The following PAOX variants were observed in gnomAD, a reference collection of about 807,000 sequenced individuals.
PAOX encodes peroxisomal N(1)-acetyl-spermine/spermidine oxidase.
In PAOX, 38 loss-of-function variants were observed where a neutral mutation model predicts 39.0. The observed-to-expected ratio is 0.97, with a 90% confidence interval of 0.75 to 1.28. The LOEUF (loss-of-function observed/expected upper bound fraction) is 1.28, where lower values mean the gene tolerates loss of function less well. PAOX is among the 50% of genes most tolerant of loss of function. The pLI is 0.00. For synonymous variants in PAOX, 311 were observed against 314.4 expected, an observed-to-expected ratio of 0.99 and a Z score of 0.11; for missense variants, 667 against 685.7, an observed-to-expected ratio of 0.97 and a Z score of 0.30.
chr10:133,381,892 G>T (rs1339585539), intron 3 of PAOX, among the ~76,000 whole-genome samples: 1 of 152,178 alleles, frequency 6.6e-6, no homozygotes, highest in Admixed American at 6.5e-5. Flanking sequence ...CTGCTCGCTT[G>T]GAGGTAACCG....
chr10:133,380,189 C>A lies in PAOX; in HGVS notation c.372C>A (p.Leu124=), dbSNP rs755870498. The A allele has an allele frequency of 1.9e-6, 3 of 1,612,508 alleles. No homozygotes were observed. Among genetic ancestry groups the A allele is most frequent in the Non-Finnish European group, 2.5e-6 (3 of 1,179,702 alleles). ...SYASSGASVS[L]QLVAEMATLF... ...CCAGCTCCGGGGCCAGCGTGAGCCT[C>A]CAGCTGGTGGCGGAGATGGCGACTC... Residue 124 remains leucine (L), a synonymous_variant, in exon 2 of 7, where the codon CTC becomes CTA. Coordinates refer to ENST00000278060, the MANE Select transcript of PAOX (RefSeq NM_152911.4).
intron 3 of PAOX, 128 bp downstream of exon 3, chr10:133,381,787 T>G (rs1849391393): frequency 1.2e-6 from 1 of 869,316 alleles, no homozygotes; most frequent in Admixed American, 2.6e-5. Flanking sequence ...AAGTTCCAGA[T>G]AGGTGGAAGG....
chr10:133,382,269 A>G (rs1308118262), intron 3 of PAOX, among the ~76,000 whole-genome samples: 2 of 152,140 alleles, frequency 1.3e-5, no homozygotes, highest in South Asian at 2.1e-4. Flanking sequence ...CATCTAGGCA[A>G]GTAGAGAGAA....
At chr10:133,385,595 TG>T (rs1849508099) in intron 4 of PAOX, among the ~76,000 whole-genome samples, 1 of 152,200 alleles carries the variant, frequency 6.6e-6, no homozygotes, top group Non-Finnish European at 1.5e-5. Flanking sequence ...AATATTTTTT[TG>T]TTTTTGAGAT....
rs377453084 is a variant in PAOX at position 133,380,510 on chromosome 10, C to T, written c.668+25C>T. On this transcript the variant is annotated intron_variant, in intron 2 of 6. Coordinates refer to ENST00000278060, the MANE Select transcript of PAOX (RefSeq NM_152911.4). ...AGTGCGTGCCTGAGCCCCTGCCCCG[C>T]CAGTCCTCCCACCAGGCTCCCCAGG... 34 of 1,569,160 alleles carry T rather than the reference C, an allele frequency of 2.2e-5. No individual in the cohort carries two copies. In the African/African-American group the frequency reaches 4.4e-4, roughly 21 times the overall value.
chr10:133,387,106 C>A (rs1849549860), intron 4 of PAOX, among the ~76,000 whole-genome samples: 1 of 151,844 alleles, frequency 6.6e-6, no homozygotes, highest in African/African-American at 2.4e-5. Flanking sequence ...TAGCAAGACC[C>A]AGTCTCTACC....
intron 5 of PAOX, 136 bp from the exon 6 acceptor site, chr10:133,389,454 G>A (rs1308511650): frequency 1.8e-5 from 24 of 1,312,400 alleles, no homozygotes; most frequent in Non-Finnish European, 2.4e-5. Flanking sequence ...AGCCTCTCCT[G>A]ACACACTCTG....
Position 133,381,447 on chromosome 10 carries a change from TC to T in PAOX, c.669-11del, listed in dbSNP as rs747343347. The T allele has an allele frequency of 4.3e-6, 7 of 1,613,342 alleles. No homozygotes were observed. The highest frequency in any genetic ancestry group is 1.3e-5 in the African/African-American group (1 of 75,030). ...ACTGGGCCTCTACGAAACCAGCACT[TC>T]CGTCTTTCTAGGGGCTATCAAGGAC... is the stretch of plus-strand genomic sequence containing the variant. On this transcript the variant is annotated splice_polypyrimidine_tract_variant and intron_variant, in intron 2 of 6. Coordinates refer to ENST00000278060, the MANE Select transcript of PAOX (RefSeq NM_152911.4).
chr10:133,383,160 G>A (rs1434812795), intron 3 of PAOX, among the ~76,000 whole-genome samples: 2 of 152,106 alleles, frequency 1.3e-5, no homozygotes, highest in African/African-American at 4.8e-5. Context: ...ACTCCAGCCT[G>A]GGAGACCAGA....
intron 2 of PAOX, among the ~76,000 whole-genome samples, 186 bp from the exon 3 acceptor site, chr10:133,381,274 G>A (rs1055355178): frequency 1.1e-4 from 17 of 152,258 alleles, no homozygotes; most frequent in African/African-American, 4.1e-4. Flanking sequence ...ACAGCCTGGA[G>A]GGCAGGTATG....
Position 133,384,303 on chromosome 10 carries a change from G to A in PAOX, c.1121+91G>A. On this transcript the variant is annotated intron_variant, in intron 4 of 6. Transcript: ENST00000278060. The surrounding 1 kb of genome is among the most constrained non-coding windows in gnomAD (Gnocchi z 4.3). ...CAGCAGTGTGTCTGTTCACTGCAGG[G>A]TATTTCTAGGGGGTTTAATGGGTAG... The A allele has an allele frequency of 6.5e-7, 1 of 1,534,132 alleles. No individual in the cohort carries two copies.
At chr10:133,386,544 G>A (rs549008920) in intron 4 of PAOX, among the ~76,000 whole-genome samples, 41 of 150,688 alleles carry the variant, frequency 2.7e-4, no homozygotes, top group African/African-American at 6.8e-4. Context: ...GCTCGATCTC[G>A]GTTCACTGCA....
At chr10:133,380,608 C>A (rs1393525224) in intron 2 of PAOX, 123 bp downstream of exon 2, 3 of 1,305,828 alleles carry the variant, frequency 2.3e-6, no homozygotes, top group Non-Finnish European at 3.1e-6. Context: ...CTCCCCATTC[C>A]GACAGACTGG....
rs372063211 is a variant in PAOX at position 133,380,214 on chromosome 10, C to T, written c.397C>T (p.Leu133=). The change falls in exon 2 of 7, where the codon CTG becomes TTG. Residue 133 remains leucine (L), a synonymous_variant. Transcript: ENST00000278060. ...CCAGCTGGTGGCGGAGATGGCGACT[C>T]TGTTCTACGGCCTGATAGACCAGAC... The part of the protein sequence containing the change: ...SLQLVAEMAT[L]FYGLIDQTRE... 6.2e-7 allele frequency: 1 copy of T among 1,612,768 alleles called. No individual in the cohort carries two copies. The highest frequency in any genetic ancestry group is 1.3e-5 in the African/African-American group (1 of 74,950).
intron 6 of PAOX, among the ~76,000 whole-genome samples, chr10:133,390,454 A>G (rs1849646752): frequency 6.6e-6 from 1 of 151,624 alleles, no homozygotes; most frequent in Non-Finnish European, 1.5e-5. Context: ...ACAAGTAGCC[A>G]GGCATGGTAG....
Position 133,391,628 on chromosome 10 carries a change from G to A in PAOX, c.*173G>A. 2 of 1,054,932 alleles carry A rather than the reference G, an allele frequency of 1.9e-6. No homozygotes were observed. The highest frequency in any genetic ancestry group is 2.7e-6 in the Non-Finnish European group (2 of 750,000). The allele number at this position is 1,054,932 out of a possible 1,614,324, so 65.3% of individuals were successfully genotyped here. The stretch of plus-strand genomic sequence containing the variant: ...TGTCTGTTATTGGAGTCTGGCCAGG[G>A]TTGACTTGAGCTGAGACACCAGATG... On this transcript the variant is annotated 3_prime_UTR_variant, in exon 7 of 7. Transcript: ENST00000278060.
At chr10:133,381,864 C>T (rs542847473) in intron 3 of PAOX, among the ~76,000 whole-genome samples, 1 of 152,264 alleles carries the variant, frequency 6.6e-6, no homozygotes, top group South Asian at 2.1e-4. Flanking sequence ...TAAGAAAAAA[C>T]GCGAGTAAGT....
chr10:133,387,972 C>T (rs1286493477), intron 4 of PAOX, among the ~76,000 whole-genome samples: 4 of 152,248 alleles, frequency 2.6e-5, no homozygotes, highest in Non-Finnish European at 5.9e-5. Context: ...CCGCCTTGGC[C>T]TCCCAAAGTG....
chr10:133,381,867 G>A (rs895240507), intron 3 of PAOX, among the ~76,000 whole-genome samples: 7 of 152,204 alleles, frequency 4.6e-5, no homozygotes, highest in South Asian at 2.1e-4. Context: ...GAAAAAACGC[G>A]AGTAAGTATG....
Sources: gnomAD v4.1 joint callset for allele counts (sites outside exome capture counted in the v4.1 genomes callset) on GRCh38, gnomAD v4.1.1 for gene constraint, Gnocchi (gnomAD v3.1) non-coding constraint, MANE v1.5 for transcripts, NCBI Gene and HGNC (gene_info 2026-07-23, HGNC 2026-07-21) for gene names.